MYO9B: variants seen among roughly 807,000 people sequenced by gnomAD.
The protein encoded by MYO9B is unconventional myosin-IXb.
In MYO9B, 71 loss-of-function variants were observed where a neutral mutation model predicts 229.5. That is an observed-to-expected ratio of 0.31 (90% CI 0.26 to 0.38). MYO9B has a LOEUF of 0.38. Ranked by LOEUF, MYO9B falls within the 10% of genes least tolerant of loss-of-function variation. The pLI is 1.00. For synonymous variants in MYO9B, 1,185 were observed against 1,235.8 expected, an observed-to-expected ratio of 0.96 and a Z score of 0.86; for missense variants, 2,255 against 2,920.5, an observed-to-expected ratio of 0.77 and a Z score of 5.25.
In MYO9B at chr19:17,195,131, A is replaced by T. The variant is rs1249594864; in HGVS notation, c.3704A>T (p.Glu1235Val). ...MAVGKVSEET[E>V]KTLPSGSPRP... ...GTTGGCAAGGTCTCTGAAGAAACTG[A>T]GAAGACGCTGCCCAGTGGGAGCCCC... The change falls in exon 22 of 40, where the codon GAG becomes GTG. Residue 1235 changes from glutamate (E) to valine (V), a missense_variant. By Grantham distance (121) the Glu-to-Val change is moderately radical (BLOSUM62 -2). Transcript: ENST00000682292. The surrounding 1 kb of genome is among the most constrained non-coding windows in gnomAD (Gnocchi z 4.5). 1 of 1,611,962 alleles carries T rather than the reference A, an allele frequency of 6.2e-7. No homozygotes were observed. The highest frequency in any genetic ancestry group is 8.5e-7 in the Non-Finnish European group (1 of 1,179,542).
chr19:17,130,006 A>T (rs1399706364), intron 2 of MYO9B, among the ~76,000 whole-genome samples: 1 of 151,998 alleles, frequency 6.6e-6, no homozygotes, highest in Non-Finnish European at 1.5e-5. Flanking sequence ...TTTCTTTAAG[A>T]GACAGAGTCT....
At chr19:17,126,467 A>G (rs900480694) in intron 2 of MYO9B, among the ~76,000 whole-genome samples, 16 of 152,148 alleles carry the variant, frequency 1.1e-4, no homozygotes, top group African/African-American at 3.1e-4. Flanking sequence ...CGAAAACCAG[A>G]CAGTCTGTAT....
chr19:17,212,542 C>T lies in MYO9B; in HGVS notation c.*232C>T, dbSNP rs1314714462. 8.6e-6 allele frequency: 4 copies of T among 465,052 alleles called. No homozygotes were observed. The highest frequency in any genetic ancestry group is 8.1e-5 in the African/African-American group (4 of 49,340). 28.8% of individuals were successfully genotyped at this position (465,052 alleles called of 1,614,324 possible). On this transcript the variant is annotated 3_prime_UTR_variant, in exon 40 of 40. Coordinates refer to ENST00000682292, the MANE Select transcript of MYO9B (RefSeq NM_004145.4). The surrounding 1 kb of genome is among the most constrained non-coding windows in gnomAD (Gnocchi z 5.4). ...ATCATGGACGCACCTGTGGGGAGCA[C>T]CACATCTCCACCTGCGGCCTCACAT... is the stretch of plus-strand genomic sequence containing the variant.
chr19:17,091,334 C>G (rs866933949), intron 1 of MYO9B, among the ~76,000 whole-genome samples: 3 of 152,222 alleles, frequency 2.0e-5, no homozygotes, highest in Non-Finnish European at 4.4e-5. Flanking sequence ...CAGGCAATCC[C>G]CCTGCCTCGG....
intron 1 of MYO9B, among the ~76,000 whole-genome samples, chr19:17,094,391 G>A (rs2057668793): frequency 6.6e-6 from 1 of 152,072 alleles, no homozygotes. Context: ...ATAATAGGCT[G>A]CACTTACTCA....
chr19:17,134,051 A>G (rs1333096109), intron 2 of MYO9B, among the ~76,000 whole-genome samples: 2 of 151,784 alleles, frequency 1.3e-5, no homozygotes, highest in Admixed American at 6.6e-5. Flanking sequence ...GTGAGCCACC[A>G]TGCCTGGCCT....
At chr19:17,136,293 G>T (rs1405406862) in intron 2 of MYO9B, among the ~76,000 whole-genome samples, 1 of 152,168 alleles carries the variant, frequency 6.6e-6, no homozygotes, top group Non-Finnish European at 1.5e-5. Flanking sequence ...CTATGGCCCT[G>T]CAGGGTCCCG....
chr19:17,090,773 C>G (rs1287902005), intron 1 of MYO9B, among the ~76,000 whole-genome samples: 1 of 152,118 alleles, frequency 6.6e-6, no homozygotes, highest in Non-Finnish European at 1.5e-5. Context: ...AGGAAGGAAA[C>G]ACGTTTTCAG....
At chr19:17,094,404 G>A (rs1382458946) in intron 1 of MYO9B, among the ~76,000 whole-genome samples, 2 of 152,050 alleles carry the variant, frequency 1.3e-5, no homozygotes, top group East Asian at 1.9e-4. Flanking sequence ...CTTACTCAGT[G>A]TGCCAACAGC....
intron 2 of MYO9B, among the ~76,000 whole-genome samples, chr19:17,132,673 C>T (rs1385236380): frequency 1.1e-4 from 15 of 141,976 alleles, no homozygotes; most frequent in South Asian, 4.4e-4. Context: ...GGACTACAGG[C>T]GCCACCACCA....
Position 17,122,654 on chromosome 19 carries a change from C to T in MYO9B, c.840+20097C>T, listed in dbSNP as rs369161625. Among the ~76,000 whole-genome samples, 15 of 152,202 alleles carry T rather than the reference C, an allele frequency of 9.9e-5. 1 individual carries two copies. Among genetic ancestry groups the T allele is most frequent in the East Asian group, 9.6e-4 (5 of 5,196 alleles). On this transcript the variant is annotated intron_variant, in intron 2 of 39. Transcript: ENST00000682292. The stretch of plus-strand genomic sequence containing the variant: ...ATCCAAGATGCTCAGGAGGCTGAGA[C>T]GGGACGATCACTTGAGCCCAGGAGT...
At chr19:17,132,560 G>A (rs1448024499) in intron 2 of MYO9B, among the ~76,000 whole-genome samples, 12 of 125,012 alleles carry the variant, frequency 9.6e-5, no homozygotes, top group South Asian at 4.8e-4. Context: ...ACAGAGTCTC[G>A]CTCTGTCGCC....
At chr19:17,185,818 AT>A in intron 17 of MYO9B, 102 bp from the exon 18 acceptor site, 1 of 895,478 alleles carries the variant, frequency 1.1e-6, no homozygotes, top group South Asian at 1.4e-5. Context: ...TGCAGACCCC[AT>A]CCACCCCACA....
rs186690712 is a variant in MYO9B, at chr19:17,087,417, G to A, written c.-59+11543G>A. Among the ~76,000 whole-genome samples, 282 of 152,330 alleles carry A rather than the reference G, an allele frequency of 1.9e-3. 1 individual carries two copies. Among genetic ancestry groups the A allele is most frequent in the Admixed American group, 3.7e-3 (56 of 15,296 alleles). ...CACATTCAACTCCCCATGGGTGAGC[G>A]TGGAATTGGCAGAAGTCACGAGAGA... On this transcript the variant is annotated intron_variant, in intron 1 of 39. Transcript: ENST00000682292.
Position 17,101,236 on chromosome 19 carries a change from G to A in MYO9B, c.-58-424G>A, listed in dbSNP as rs2145026090. Among the ~76,000 whole-genome samples the A allele has an allele frequency of 6.6e-6, 1 of 151,908 alleles. No individual in the cohort carries two copies. The highest frequency in any genetic ancestry group is 2.4e-5 in the African/African-American group (1 of 41,436). ...CTCTCACCCAGGCTGGAGCACAGCT[G>A]GTATAATCATGGCTCACTGCAGCCT... On this transcript the variant is annotated intron_variant, in intron 1 of 39. Transcript: ENST00000682292. This position sits in a 1 kb window ranked among gnomAD's most constrained non-coding sequence, Gnocchi z 4.7.
chr19:17,125,771 C>T (rs10419262), intron 2 of MYO9B, among the ~76,000 whole-genome samples: 1,817 of 152,302 alleles, frequency 0.012, 44 homozygotes, highest in African/African-American at 0.04. Context: ...AACCAGCTAT[C>T]GAGAGCCTGC....
At chr19:17,089,941 C>T (rs1011941371) in intron 1 of MYO9B, among the ~76,000 whole-genome samples, 4 of 152,042 alleles carry the variant, frequency 2.6e-5, no homozygotes, top group Non-Finnish European at 4.4e-5. Flanking sequence ...CTCCTCATCC[C>T]CTAGCTCCTG....
chr19:17,177,974 CACAG>C (rs1281194332), intron 14 of MYO9B: 1 of 152,378 alleles, frequency 6.6e-6, no homozygotes, highest in African/African-American at 2.4e-5. Flanking sequence ...GCGTCCAGGA[CACAG>C]ACAGAGAGGA....
intron 29 of MYO9B, 69 bp from the exon 30 acceptor site, chr19:17,203,078 T>C (rs1358116500): frequency 4.2e-6 from 6 of 1,429,728 alleles, no homozygotes; most frequent in South Asian, 2.5e-5. Flanking sequence ...CCATGGGTCG[T>C]CATCCACCAG....
Sources: allele counts gnomAD v4.1 joint callset (sites outside exome capture counted in the v4.1 genomes callset), GRCh38; gene constraint gnomAD v4.1.1; non-coding constraint Gnocchi (gnomAD v3.1); transcripts MANE v1.5; gene names NCBI Gene and HGNC (gene_info 2026-07-23, HGNC 2026-07-21).